ARL9: variants seen among roughly 807,000 people sequenced by gnomAD.
ARL9 encodes the protein ARF like GTPase 9, also known as ADP-ribosylation factor-like protein 9.
ARL9 carries 14 observed loss-of-function variants against 27.0 expected under a neutral mutation model. The ratio of observed to expected loss-of-function variants is 0.52; its 90% CI spans 0.34 to 0.81. ARL9 has a LOEUF of 0.81. Ranked by LOEUF, ARL9 falls within the 30% of genes least tolerant of loss-of-function variation. The probability of loss-of-function intolerance (pLI) is 0.01; values close to 1 mark genes in which losing one functional copy is unlikely to be tolerated. For synonymous variants in ARL9, 106 were observed against 108.7 expected (o/e 0.98, Z 0.15); for missense variants, 294 against 290.0 (o/e 1.01, Z -0.10).
chr4:56,516,720 C>G (rs1721777737), intron 2 of ARL9, among the ~76,000 whole-genome samples: 1 of 152,000 alleles, frequency 6.6e-6, no homozygotes. Flanking sequence ...CACTGGAGTT[C>G]AAGGGTTCAA....
upstream of ARL9, chr4:56,505,241 A>C (rs1721415585): frequency 2.9e-6 from 1 of 343,806 alleles, no homozygotes; most frequent in Non-Finnish European, 5.8e-6. Flanking sequence ...GGTAATAGTC[A>C]ACTAATAATC....
At chr4:56,514,751 T>G (rs771314564) in intron 2 of ARL9, among the ~76,000 whole-genome samples, 45 of 152,160 alleles carry the variant, frequency 3.0e-4, no homozygotes, top group Non-Finnish European at 5.3e-4. Flanking sequence ...TAATCTTACA[T>G]AAATTCTTTC....
intron 3 of ARL9, among the ~76,000 whole-genome samples, chr4:56,522,208 G>T (rs990696584): frequency 6.6e-6 from 1 of 152,076 alleles, no homozygotes; most frequent in Admixed American, 6.5e-5. Context: ...AACACCTGAG[G>T]TCAGGAGTTC....
intron 1 of ARL9, among the ~76,000 whole-genome samples, chr4:56,508,222 C>T (rs918013252): frequency 4.6e-5 from 7 of 152,008 alleles, no homozygotes; most frequent in African/African-American, 1.7e-4. Flanking sequence ...GTCTCCCTTG[C>T]CCCTCTTCCT....
At position 56,505,948 on chromosome 4, in the gene ARL9, T is replaced by G. The variant is rs572144198; in HGVS notation, c.86T>G (p.Val29Gly). The change falls in exon 1 of 4, where the codon GTG (valine) becomes GGG (glycine). Residue 29 changes from valine (V) to glycine (G), a missense_variant. Coordinates refer to ENST00000640821, the MANE Select transcript of ARL9 (RefSeq NM_001363794.2). ...GGAGAAAAGGGTAGGGAAGAGAAAG[T>G]GAAAAGAAAGGAGGTGGAGCAGAAA... ...KIGEKGREEK[V>G]KRKEVEQKIK... The G allele has an allele frequency of 5.3e-5, 64 of 1,217,428 alleles. No homozygotes were observed. Among genetic ancestry groups the G allele is most frequent in the Non-Finnish European group, 6.5e-5 (63 of 976,674 alleles). 75.4% of individuals were successfully genotyped at this position (1,217,428 alleles called of 1,614,324 possible).
At chr4:56,514,304 A>G (rs1353360441) in intron 2 of ARL9, among the ~76,000 whole-genome samples, 1 of 152,240 alleles carries the variant, frequency 6.6e-6, no homozygotes, top group Non-Finnish European at 1.5e-5. Context: ...GTAAAAGAAC[A>G]ACAGAATAAA....
chr4:56,505,839 G>A lies in ARL9; in HGVS notation c.-24G>A. The A allele has an allele frequency of 7.8e-7, 1 of 1,279,476 alleles. No homozygotes were observed. The highest frequency in any genetic ancestry group is 3.7e-5 in the Admixed American group (1 of 26,908). The allele number at this position is 1,279,476 out of a possible 1,614,324, so 79.3% of individuals were successfully genotyped here. On this transcript the variant is annotated 5_prime_UTR_variant, in exon 1 of 4. Transcript: ENST00000640821. ...CTCAGCACGCGGGCACGCGGCGGGAGGGAAGGAAACCGCGGCGCTGGGGAT... is the reference window on the plus strand; with the variant it reads ...CTCAGCACGCGGGCACGCGGCGGGAAGGAAGGAAACCGCGGCGCTGGGGAT...
At chr4:56,509,604 G>A (rs1165063396) in intron 1 of ARL9, among the ~76,000 whole-genome samples, 2 of 150,284 alleles carry the variant, frequency 1.3e-5, no homozygotes, top group African/African-American at 4.9e-5. Context: ...GCGTGATCTC[G>A]GCTCACTGCA....
At chr4:56,512,159 G>A (rs919327959) in intron 2 of ARL9, among the ~76,000 whole-genome samples, 3 of 152,136 alleles carry the variant, frequency 2.0e-5, no homozygotes, top group African/African-American at 7.2e-5. Context: ...CTGCCCCTAT[G>A]CAAGTCGGAA....
At chr4:56,508,836 T>A (rs1721541759) in intron 1 of ARL9, among the ~76,000 whole-genome samples, 1 of 152,206 alleles carries the variant, frequency 6.6e-6, no homozygotes, top group Non-Finnish European at 1.5e-5. Flanking sequence ...CTGTTTAAGA[T>A]CACTTTTTTC....
rs185554089 is a variant in ARL9 at position 56,523,725 on chromosome 4, A to G, written c.647A>G (p.Asp216Gly). ...CTTGAAGCAGCCTATCACATTACAG[A>G]TATCCATGAAGCTTTGGCATTATCT... ...QDLEAAYHIT[D>G]IHEALALSEV... is the part of the protein sequence containing the mutation. Residue 216 changes from aspartate (D) to glycine (G), a missense_variant, in exon 4 of 4, where the codon GAT becomes GGT. Coordinates refer to ENST00000640821, the MANE Select transcript of ARL9 (RefSeq NM_001363794.2). 2.3e-4 allele frequency: 364 copies of G among 1,613,856 alleles called. No homozygotes were observed. In the East Asian group the frequency reaches 7.1e-3, roughly 32 times the overall value.
At chr4:56,518,597 A>G (rs1578213630) in intron 2 of ARL9, 81 bp from the exon 3 acceptor site, 1 of 1,237,654 alleles carries the variant, frequency 8.1e-7, no homozygotes, top group Non-Finnish European at 1.2e-6. Flanking sequence ...TCAGAAATCT[A>G]GATGTGCCCT....
chr4:56,518,913 C>G, intron 3 of ARL9, 60 bp downstream of exon 3: 2 of 1,432,166 alleles, frequency 1.4e-6, no homozygotes, highest in South Asian at 2.6e-5. Context: ...GAAATGTATA[C>G]TTTTAATACC....
chr4:56,505,334 A>G, upstream of ARL9: 6 of 456,116 alleles, frequency 1.3e-5, no homozygotes, highest in South Asian at 9.3e-5. Context: ...GTACAGGCTC[A>G]TGGTTGGGAG....
At chr4:56,513,988 G>A (rs1721709151) in intron 2 of ARL9, among the ~76,000 whole-genome samples, 2 of 152,086 alleles carry the variant, frequency 1.3e-5, no homozygotes, top group South Asian at 4.1e-4. Context: ...TGGGCAATAT[G>A]GCAAAACCCC....
In ARL9 at chr4:56,518,884, C is replaced by T. The variant is rs1430192461; in HGVS notation, c.618+31C>T. The T allele has an allele frequency of 3.8e-6, 6 of 1,588,384 alleles. No individual in the cohort carries two copies. In the African/African-American group the frequency reaches 8.1e-5, roughly 21 times the overall value. On this transcript the variant is annotated intron_variant, in intron 3 of 3. Transcript: ENST00000640821. The stretch of plus-strand genomic sequence containing the variant: ...AATCTGTGCAAATATAAATTGTACT[C>T]AAGAGTTTTGTAATACAAGAAATGT...
chr4:56,522,812 C>T (rs376837405), intron 3 of ARL9, among the ~76,000 whole-genome samples: 2 of 152,258 alleles, frequency 1.3e-5, no homozygotes, highest in African/African-American at 4.8e-5. Context: ...CATCTCTTTC[C>T]CTGTCTCTCC....
chr4:56,515,597 C>A (rs1187922598), intron 2 of ARL9, among the ~76,000 whole-genome samples: 1 of 152,020 alleles, frequency 6.6e-6, no homozygotes, highest in African/African-American at 2.4e-5. Flanking sequence ...TAATTGTCTT[C>A]AAAGAAAGCC....
chr4:56,509,201 C>CTTTTCTTTTTT (rs1553949438), intron 1 of ARL9, among the ~76,000 whole-genome samples: 1 of 133,352 alleles, frequency 7.5e-6, no homozygotes, highest in Non-Finnish European at 1.6e-5. Context: ...TTTTCTTTTT[C>CTTTTCTTTTTT]TTTTTTTTGT....
Sources: allele counts gnomAD v4.1 joint callset (sites outside exome capture counted in the v4.1 genomes callset), GRCh38; gene constraint gnomAD v4.1.1; transcripts MANE v1.5; gene names NCBI Gene and HGNC (gene_info 2026-07-23, HGNC 2026-07-21).